ESR2: variants seen among roughly 807,000 people sequenced by gnomAD.
ESR2 encodes estrogen receptor beta.
In ESR2, 36 loss-of-function variants were observed where a neutral mutation model predicts 49.6. The observed-to-expected ratio is 0.73, with a 90% CI of 0.56 to 0.96. The LOEUF is 0.96. Ranked by LOEUF, ESR2 falls within the 40% of genes least tolerant of loss-of-function variation. ESR2 has a pLI of 0.00. For synonymous variants in ESR2, 320 were observed against 266.1 expected (o/e 1.20, Z -1.97); for missense variants, 714 against 693.0 (o/e 1.03, Z -0.34).
At position 64,282,647 on chromosome 14, in the gene ESR2, T is replaced by C. The variant is rs1466727924; in HGVS notation, c.339A>G (p.Leu113=). ...ACCTGTTTACAGGTAAGGTGTGTTC[T>C]AGCGATCTTGCTTCACACCAGGGAC... is the stretch of plus-strand genomic sequence containing the variant. ...QKSPWCEARS[L]EHTLPVNRET... The change falls in exon 2 of 9, where the codon CTA becomes CTG. Residue 113 remains leucine, a synonymous_variant. Coordinates refer to ENST00000341099, the MANE Select transcript of ESR2 (RefSeq NM_001437.3). The C allele has an allele frequency of 1.2e-6, 2 of 1,607,718 alleles. No individual in the cohort carries two copies. The highest frequency in any genetic ancestry group is 1.7e-6 in the Non-Finnish European group (2 of 1,174,626).
At chr14:64,291,583 T>C (rs2076870807) in intron 1 of ESR2, among the ~76,000 whole-genome samples, 1 of 152,216 alleles carries the variant, frequency 6.6e-6, no homozygotes, top group South Asian at 2.1e-4. Flanking sequence ...AACAGGCTCC[T>C]AACTGTATAC....
At chr14:64,257,042 C>A (rs1014238572) in intron 6 of ESR2, among the ~76,000 whole-genome samples, 184 bp downstream of exon 6, 1 of 152,092 alleles carries the variant, frequency 6.6e-6, no homozygotes, top group Non-Finnish European at 1.5e-5. Context: ...AGTCACAGGA[C>A]CCTGAATCCT....
rs558025273 is a variant in ESR2 at position 64,262,898 on chromosome 14, G to A, written c.653-2150C>T. Among the ~76,000 whole-genome samples, 326 of 152,166 alleles carry A rather than the reference G, an allele frequency of 2.1e-3. 1 individual carries two copies. Among genetic ancestry groups the A allele is most frequent in the African/African-American group, 7.4e-3 (307 of 41,506 alleles). ...TGCACTCCAGCCTGGGTGACACAGC[G>A]AGACTCTGTCTCAAAAGATAAAAGG... On this transcript the variant is annotated intron_variant, in intron 4 of 8. Coordinates refer to ENST00000341099, the MANE Select transcript of ESR2 (RefSeq NM_001437.3).
chr14:64,333,606 C>T (rs1464028039), intron 1 of ESR2, among the ~76,000 whole-genome samples: 1 of 152,150 alleles, frequency 6.6e-6, no homozygotes, highest in Non-Finnish European at 1.5e-5. Context: ...ACAATCATGG[C>T]AGGTGAAACA....
Position 64,231,905 on chromosome 14 carries a change from T to TG in ESR2, c.*1231_*1232insC, listed in dbSNP as rs2098727617. 6.6e-6 allele frequency: 1 copy of TG among 152,094 alleles called. No homozygotes were observed. 9.4% of individuals were successfully genotyped at this position (152,094 alleles called of 1,614,324 possible). A position where few individuals can be genotyped will look rare whatever the true frequency, so the allele number is the denominator to read the frequency against. On this transcript the variant is annotated 3_prime_UTR_variant, in exon 9 of 9. Transcript: ENST00000341099. ...TGTCCTATTTATGTTCCACTTGGAA[T>TG]AAGAACTAATATTTTTACTGTTTCT...
intron 4 of ESR2, among the ~76,000 whole-genome samples, chr14:64,268,094 G>C (rs1023423357): frequency 1.3e-5 from 2 of 152,114 alleles, no homozygotes; most frequent in Admixed American, 6.5e-5. Context: ...GAGAGAGCTG[G>C]GTGTTGGCAT....
intron 1 of ESR2, among the ~76,000 whole-genome samples, chr14:64,310,069 G>C (rs1456631370): frequency 6.6e-6 from 1 of 151,048 alleles, no homozygotes; most frequent in African/African-American, 2.4e-5. Context: ...CTGGGCGACA[G>C]AGCGAGACTC....
At chr14:64,289,175 A>G (rs781437865) in intron 1 of ESR2, among the ~76,000 whole-genome samples, 5 of 151,912 alleles carry the variant, frequency 3.3e-5, no homozygotes, top group Non-Finnish European at 7.4e-5. Flanking sequence ...TTGGTGCTGT[A>G]CCTTTTCACG....
At chr14:64,287,904 G>C (rs936965949) in intron 1 of ESR2, among the ~76,000 whole-genome samples, 8 of 152,160 alleles carry the variant, frequency 5.3e-5, no homozygotes, top group Non-Finnish European at 8.8e-5. Context: ...GGTACAACAG[G>C]AAAAAATTGT....
chr14:64,242,197 G>GTCA (rs963681056), intron 7 of ESR2, among the ~76,000 whole-genome samples: 6 of 152,026 alleles, frequency 3.9e-5, no homozygotes, highest in African/African-American at 1.4e-4. Context: ...ATCACCTGAG[G>GTCA]TCAGCAGTTT....
At chr14:64,228,066 C>T (rs770329034), downstream of ESR2, 120 of 1,383,304 alleles carry the variant, frequency 8.7e-5, no homozygotes, top group Non-Finnish European at 1.1e-4. Context: ...AAATCAATCA[C>T]AAGTGTGAGA....
intron 3 of ESR2, 95 bp downstream of exon 3, chr14:64,279,886 C>A: frequency 2.0e-6 from 2 of 977,422 alleles, no homozygotes; most frequent in South Asian, 1.4e-5. Flanking sequence ...GTGTGCCAAA[C>A]AGGCCAGTAG....
In ESR2 at chr14:64,280,134, C is replaced by G. The variant is rs761663618; in HGVS notation, c.382G>C (p.Val128Leu). The G allele has an allele frequency of 1.2e-5, 20 of 1,613,902 alleles. No homozygotes were observed. The highest frequency in any genetic ancestry group is 1.5e-5 in the Non-Finnish European group (18 of 1,179,946). ...PVNRETLKRK[V>L]SGNRCASPVT... ...GGGCTGGCGCAACGGTTCCCACTAACCTTCCTTTTCAGTGTCTCTCTAGGG... is the reference window on the plus strand; with the variant it reads ...GGGCTGGCGCAACGGTTCCCACTAAGCTTCCTTTTCAGTGTCTCTCTAGGG... The change falls in exon 3 of 9, where the codon GTT becomes CTT. Residue 128 changes from valine (V) to leucine (L), a missense_variant. By Grantham distance (32) the Val-to-Leu change is conservative. Coordinates refer to ENST00000341099, the MANE Select transcript of ESR2 (RefSeq NM_001437.3).
At chr14:64,254,835 A>G (rs576400487) in intron 6 of ESR2, among the ~76,000 whole-genome samples, 14 of 151,886 alleles carry the variant, frequency 9.2e-5, no homozygotes, top group Non-Finnish European at 1.8e-4. Context: ...CCAAAAAAAA[A>G]AAAAAATGCC....
intron 6 of ESR2, among the ~76,000 whole-genome samples, chr14:64,256,241 T>C (rs1202710789): frequency 6.6e-6 from 1 of 152,188 alleles, no homozygotes; most frequent in African/African-American, 2.4e-5. Context: ...TTTTATACAG[T>C]CCAGCTTTCC....
chr14:64,258,228 A>G lies in ESR2; in HGVS notation c.953-864T>C, dbSNP rs542331199. Among the ~76,000 whole-genome samples, 540 of 152,194 alleles carry G rather than the reference A, an allele frequency of 3.5e-3. 1 individual carries two copies. The highest frequency in any genetic ancestry group is 0.012 in the African/African-American group (508 of 41,520). On this transcript the variant is annotated intron_variant, in intron 5 of 8. Coordinates refer to ENST00000341099, the MANE Select transcript of ESR2 (RefSeq NM_001437.3). The stretch of plus-strand genomic sequence containing the variant: ...TGTCTCAAAAATAAATAAATAAATA[A>G]ATAAATAAAGAGCAAATATAATAAC...
intron 5 of ESR2, among the ~76,000 whole-genome samples, chr14:64,257,910 T>C (rs997660138): frequency 5.9e-5 from 9 of 152,166 alleles, no homozygotes; most frequent in African/African-American, 2.2e-4. Context: ...GTAGAAGCAC[T>C]GTTTCTGGGT....
At chr14:64,259,202 C>G (rs1178874165) in intron 5 of ESR2, among the ~76,000 whole-genome samples, 1 of 152,174 alleles carries the variant, frequency 6.6e-6, no homozygotes, top group Non-Finnish European at 1.5e-5. Context: ...CTAGACAAAA[C>G]AAAATACAAC....
intron 1 of ESR2, among the ~76,000 whole-genome samples, chr14:64,331,842 A>AAAAAAAAAAAAAAAAAAG (rs1567808139): frequency 6.9e-6 from 1 of 145,960 alleles, no homozygotes; most frequent in Non-Finnish European, 1.5e-5. Context: ...AAAAAAAAAA[A>AAAAAAAAAAAAAAAAAAG]AAGAATCCTT....
Sources: allele counts gnomAD v4.1 joint callset (sites outside exome capture counted in the v4.1 genomes callset), GRCh38; gene constraint gnomAD v4.1.1; transcripts MANE v1.5; gene names NCBI Gene and HGNC (gene_info 2026-07-23, HGNC 2026-07-21).